The following CAPS2 variants were observed in gnomAD, a reference collection of about 807,000 sequenced individuals.
The protein encoded by CAPS2 is calcyphosine 2, also known as calcyphosin-2.
Under a neutral mutation model 86.5 loss-of-function variants are expected in CAPS2, and 98 were observed. The observed-to-expected ratio is 1.13, with a 90% CI of 0.96 to 1.34. The LOEUF is 1.34. CAPS2 is among the 40% of genes most tolerant of loss of function. CAPS2 has a pLI of 0.00. For synonymous variants in CAPS2, 210 were observed against 225.1 expected (o/e 0.93, Z 0.60); for missense variants, 729 against 686.8 (o/e 1.06, Z -0.69).
intron 8 of CAPS2, among the ~76,000 whole-genome samples, chr12:75,302,991 A>C (rs2038000289): frequency 6.6e-6 from 1 of 152,222 alleles, no homozygotes; most frequent in Non-Finnish European, 1.5e-5. Context: ...GAACATATGG[A>C]TACTAAGTGG....
chr12:75,344,611 A>T (rs2042328487), intron 1 of CAPS2, among the ~76,000 whole-genome samples: 1 of 152,006 alleles, frequency 6.6e-6, no homozygotes, highest in Admixed American at 6.5e-5. Context: ...TAGTTTCAAT[A>T]GATTGATTTT....
At chr12:75,369,916 T>A in intron 1 of CAPS2, 1 of 1,278,556 alleles carries the variant, frequency 7.8e-7, no homozygotes, top group Non-Finnish European at 1.0e-6. Flanking sequence ...TATGTTTTCT[T>A]GTTTTATAAC....
downstream of CAPS2, chr12:75,276,222 T>C (rs1218548579): frequency 5.2e-6 from 8 of 1,544,160 alleles, no homozygotes; most frequent in African/African-American, 1.4e-5. Context: ...TTTTAAGCAT[T>C]TTCATGTTTG....
In CAPS2 at chr12:75,372,178, C is replaced by T. The variant is rs190484290; in HGVS notation, c.-395+18660G>A. Among the ~76,000 whole-genome samples the T allele has an allele frequency of 9.9e-5, 15 of 152,192 alleles. No individual in the cohort carries two copies. In the East Asian group the frequency reaches 2.7e-3, roughly 27 times the overall value. On this transcript the variant is annotated intron_variant, in intron 1 of 5. Coordinates refer to the CAPS2 transcript ENST00000551829. The stretch of plus-strand genomic sequence containing the variant: ...TACAGGTGCCCATCACTGCACCCAG[C>T]TAATTTTTGTATTTTTAGTAGATGG...
chr12:75,365,415 A>G (rs1005846959), intron 1 of CAPS2, among the ~76,000 whole-genome samples: 1 of 152,224 alleles, frequency 6.6e-6, no homozygotes, highest in African/African-American at 2.4e-5. Context: ...ATAAAAAATT[A>G]TAACCTGATA....
At chr12:75,312,763 G>A (rs953549540) in intron 7 of CAPS2, 85 bp downstream of exon 7, 2 of 818,056 alleles carry the variant, frequency 2.4e-6, no homozygotes, top group African/African-American at 3.4e-5. Flanking sequence ...CCCTTTAATT[G>A]ACCAAGGATA....
chr12:75,363,349 C>T (rs2043745867), intron 1 of CAPS2, among the ~76,000 whole-genome samples: 1 of 152,084 alleles, frequency 6.6e-6, no homozygotes. Context: ...AATACTTAAA[C>T]TCAGATGATT....
chr12:75,280,783 AT>A (rs1468595980), intron 16 of CAPS2, among the ~76,000 whole-genome samples: 1 of 151,852 alleles, frequency 6.6e-6, no homozygotes, highest in African/African-American at 2.4e-5. Context: ...GAATCCAGTG[AT>A]GATTAGTTTT....
In CAPS2 at chr12:75,378,144, C is replaced by T. The variant is rs994078336; in HGVS notation, c.-395+12694G>A. ...TCCCGAGTAGCTGGGACCACTGGCA[C>T]GTGCCACCACGCCTGGCTAATTTTT... On this transcript the variant is annotated intron_variant, in intron 1 of 5. Coordinates refer to the CAPS2 transcript ENST00000551829. Among the ~76,000 whole-genome samples the T allele has an allele frequency of 3.9e-5, 6 of 151,916 alleles. No homozygotes were observed. The East Asian group carries it at 7.8e-4, about 20-fold the overall frequency.
exon 17 of CAPS2, chr12:75,277,302 T>C (rs985921686): frequency 2.1e-6 from 2 of 972,316 alleles, no homozygotes; most frequent in Non-Finnish European, 2.4e-6. Flanking sequence ...ACAGGTTTCT[T>C]AAGAACTAAA....
intron 1 of CAPS2, among the ~76,000 whole-genome samples, chr12:75,338,422 A>C (rs1225022991): frequency 6.6e-6 from 1 of 152,150 alleles, no homozygotes; most frequent in East Asian, 1.9e-4. Context: ...GCCACTCTTC[A>C]TAGATTCAAT....
At chr12:75,339,720 G>C (rs112923705) in intron 1 of CAPS2, among the ~76,000 whole-genome samples, 342 of 152,104 alleles carry the variant, frequency 2.2e-3, no homozygotes, top group East Asian at 5.0e-3. Context: ...TATGATTTTG[G>C]GTTTTACATT....
At chr12:75,360,264 A>C (rs2043480956) in intron 1 of CAPS2, 1 of 152,176 alleles carries the variant, frequency 6.6e-6, no homozygotes, top group Admixed American at 6.6e-5. Context: ...TTTCCCAACC[A>C]ATCATGCCTA....
intron 1 of CAPS2, among the ~76,000 whole-genome samples, chr12:75,376,607 G>C (rs752392967): frequency 6.6e-6 from 1 of 152,158 alleles, no homozygotes; most frequent in Non-Finnish European, 1.5e-5. Flanking sequence ...AAGGGATATT[G>C]CTACCACCTC....
intron 1 of CAPS2, among the ~76,000 whole-genome samples, chr12:75,388,868 G>A (rs912730204): frequency 8.5e-5 from 13 of 152,122 alleles, no homozygotes. Flanking sequence ...TAATGAGGGA[G>A]TTTATGTATG....
At chr12:75,356,245 A>T (rs1312596808) in intron 1 of CAPS2, among the ~76,000 whole-genome samples, 1 of 152,202 alleles carries the variant, frequency 6.6e-6, no homozygotes. Flanking sequence ...AAGCAAAATA[A>T]AACTGTCAAC....
intron 1 of CAPS2, among the ~76,000 whole-genome samples, chr12:75,389,828 G>T (rs1024816180): frequency 1.2e-4 from 18 of 152,156 alleles, no homozygotes; most frequent in African/African-American, 4.3e-4. Context: ...AATACTGCCT[G>T]ATTGCTAATT....
At chr12:75,332,889 G>A (rs1286981254), upstream of CAPS2, among the ~76,000 whole-genome samples, 1 of 152,176 alleles carries the variant, frequency 6.6e-6, no homozygotes, top group Admixed American at 6.5e-5. Context: ...GGCACTGACA[G>A]ACAGGGGATA....
intron 1 of CAPS2, among the ~76,000 whole-genome samples, chr12:75,364,611 A>G (rs2043841809): frequency 1.3e-5 from 2 of 152,226 alleles, no homozygotes; most frequent in African/African-American, 4.8e-5. Context: ...CAAAAACACA[A>G]AGGTGAAGAT....
Sources: gnomAD v4.1 joint callset for allele counts (sites outside exome capture counted in the v4.1 genomes callset) on GRCh38, gnomAD v4.1.1 for gene constraint, MANE v1.5 for transcripts, NCBI Gene and HGNC (gene_info 2026-07-23, HGNC 2026-07-21) for gene names.